NOX4: variants seen among roughly 807,000 people sequenced by gnomAD.
NOX4 encodes kidney oxidase-1.
Under a neutral mutation model 87.6 loss-of-function variants are expected in NOX4, and 69 were observed. The observed-to-expected ratio is 0.79, with a 90% CI of 0.65 to 0.96. The LOEUF (loss-of-function observed/expected upper bound fraction) is 0.96, where lower values mean the gene tolerates loss of function less well. Ranked by LOEUF, NOX4 falls within the 40% of genes least tolerant of loss-of-function variation. The probability of loss-of-function intolerance (pLI) is 0.00; values close to 1 mark genes in which losing one functional copy is unlikely to be tolerated. For missense variants in NOX4, 680 were observed against 681.5 expected (o/e 1.00, Z 0.02); for synonymous variants, 275 against 238.2 (o/e 1.15, Z -1.42).
chr11:89,342,829 C>CAGAG (rs376592787), intron 13 of NOX4, among the ~76,000 whole-genome samples: 10 of 149,956 alleles, frequency 6.7e-5, no homozygotes, highest in African/African-American at 1.9e-4. Context: ...GTGTGTGAGA[C>CAGAG]AGAGAGAGAG....
intron 16 of NOX4, among the ~76,000 whole-genome samples, chr11:89,337,116 C>G (rs917438827): frequency 6.6e-6 from 1 of 151,906 alleles, no homozygotes; most frequent in Non-Finnish European, 1.5e-5. Flanking sequence ...TAACTGTATA[C>G]GAACTCATCT....
In NOX4 at chr11:89,326,646, A is replaced by G; in HGVS notation, c.*110T>C. Reference sequence around the variant, plus strand: ...TCCATTTTAAATAATCATAAATAAGAAAACCTTACTATTCTTTGGCATAAC... The same window carrying G: ...TCCATTTTAAATAATCATAAATAAGGAAACCTTACTATTCTTTGGCATAAC... On this transcript the variant is annotated 3_prime_UTR_variant, in exon 18 of 18. Coordinates refer to ENST00000263317, the MANE Select transcript of NOX4 (RefSeq NM_016931.5). The G allele has an allele frequency of 2.3e-6, 2 of 851,592 alleles. No individual in the cohort carries two copies. Among genetic ancestry groups the G allele is most frequent in the East Asian group, 2.7e-5 (1 of 37,714 alleles). The allele number at this position is 851,592 out of a possible 1,614,324, so 52.8% of individuals were successfully genotyped here.
intron 2 of NOX4, among the ~76,000 whole-genome samples, chr11:89,481,962 C>T (rs893975150): frequency 4.6e-5 from 7 of 152,022 alleles, no homozygotes; most frequent in African/African-American, 1.7e-4. Context: ...TCCCTACTTC[C>T]TTTTCTGGGA....
chr11:89,570,066 T>C, the NOX4 span, among the ~76,000 whole-genome samples: 2,159 of 151,796 alleles, frequency 0.014, 42 homozygotes, highest in African/African-American at 0.045. Context: ...AATGCATATG[T>C]TTATTAAAGC....
intron 4 of NOX4, among the ~76,000 whole-genome samples, chr11:89,446,466 T>C (rs372884623): frequency 1.3e-3 from 191 of 151,752 alleles, no homozygotes; most frequent in South Asian, 9.6e-3. Context: ...GCAACCAACA[T>C]GTCTTTCAAT....
chr11:89,533,474 G>A, the NOX4 span, among the ~76,000 whole-genome samples: 4 of 150,394 alleles, frequency 2.7e-5, no homozygotes, highest in South Asian at 6.5e-4. Flanking sequence ...ATGACATAAG[G>A]TCATCTAACT....
intron 13 of NOX4, among the ~76,000 whole-genome samples, chr11:89,350,189 G>A (rs1400755626): frequency 6.6e-6 from 1 of 152,172 alleles, no homozygotes; most frequent in African/African-American, 2.4e-5. Context: ...TCAAATAAGA[G>A]CTCACAAATG....
intron 7 of NOX4, among the ~76,000 whole-genome samples, chr11:89,425,563 A>G (rs970643101): frequency 4.6e-5 from 7 of 152,076 alleles, no homozygotes; most frequent in Non-Finnish European, 1.0e-4. Flanking sequence ...TTCATAATAT[A>G]AATTTAGGCA....
At chr11:89,557,661 A>G in the NOX4 span, among the ~76,000 whole-genome samples, 1 of 152,114 alleles carries the variant, frequency 6.6e-6, no homozygotes, top group African/African-American at 2.4e-5. Flanking sequence ...TTATTGGCAC[A>G]TGGAGAAAGG....
chr11:89,517,771 A>G, the NOX4 span, among the ~76,000 whole-genome samples: 1 of 152,010 alleles, frequency 6.6e-6, no homozygotes, highest in African/African-American at 2.4e-5. Flanking sequence ...TTTAATATAT[A>G]CTTTTCTCAT....
At chr11:89,491,046 C>A in intron 1 of NOX4, 144 bp downstream of exon 1, 3 of 843,372 alleles carry the variant, frequency 3.6e-6, no homozygotes, top group South Asian at 3.0e-5. Context: ...ATTGTTATCT[C>A]CAGCATAAAG....
chr11:89,465,494 C>T lies in NOX4; in HGVS notation c.154-13599G>A, dbSNP rs12794819. ...TGATTTATAACCCTTTGGGTATATG[C>T]CTAGTAATGTGATTGCTGGGTCAAA... On this transcript the variant is annotated intron_variant, in intron 2 of 17. Coordinates refer to ENST00000263317, the MANE Select transcript of NOX4 (RefSeq NM_016931.5). 5.3e-3 allele frequency among the ~76,000 whole-genome samples: 809 copies of T among 152,254 alleles called. 6 individuals are homozygous for T. Among genetic ancestry groups the T allele is most frequent in the Non-Finnish European group, 7.9e-3 (538 of 68,012 alleles).
the NOX4 span, chr11:89,589,506 T>C: frequency 2.0e-5 from 3 of 152,194 alleles, no homozygotes. Context: ...TCAAGCCATG[T>C]GGAGAGACGA....
chr11:89,486,232 G>A (rs1359690229), intron 2 of NOX4, among the ~76,000 whole-genome samples: 1 of 130,154 alleles, frequency 7.7e-6, no homozygotes, highest in African/African-American at 2.6e-5. Context: ...CAGAAGTCAG[G>A]GAGATTTTTA....
upstream of NOX4, among the ~76,000 whole-genome samples, chr11:89,492,801 G>A (rs1243989012): frequency 1.3e-5 from 2 of 152,160 alleles, no homozygotes; most frequent in Non-Finnish European, 2.9e-5. Flanking sequence ...GTGCTCCTAA[G>A]CTTTAATTTC....
the NOX4 span, among the ~76,000 whole-genome samples, chr11:89,560,525 C>T: frequency 2.6e-5 from 4 of 151,998 alleles, no homozygotes; most frequent in African/African-American, 9.7e-5. Flanking sequence ...GCATTATTTC[C>T]ATGAGGTATG....
chr11:89,488,005 T>G (rs998454852), intron 2 of NOX4, among the ~76,000 whole-genome samples: 10 of 152,250 alleles, frequency 6.6e-5, no homozygotes, highest in African/African-American at 2.4e-4. Flanking sequence ...CCAAAATAGC[T>G]TAGATAAATT....
the NOX4 span, among the ~76,000 whole-genome samples, chr11:89,542,239 C>T: frequency 6.6e-6 from 1 of 152,176 alleles, no homozygotes. Context: ...ATTGATTCTG[C>T]TTCCTAATTA....
the NOX4 span, among the ~76,000 whole-genome samples, chr11:89,511,443 TG>T: frequency 6.6e-6 from 1 of 151,948 alleles, no homozygotes; most frequent in Non-Finnish European, 1.5e-5. Context: ...TTCCACTCCC[TG>T]TTTCTATGAG....
Sources: allele counts gnomAD v4.1 joint callset (sites outside exome capture counted in the v4.1 genomes callset), GRCh38; gene constraint gnomAD v4.1.1; transcripts MANE v1.5; gene names NCBI Gene and HGNC (gene_info 2026-07-23, HGNC 2026-07-21).